DSCAM: variants seen among roughly 807,000 people sequenced by gnomAD.
The protein encoded by DSCAM is DS cell adhesion molecule.
In DSCAM, 47 loss-of-function variants were observed where a neutral mutation model predicts 217.7. The ratio of observed to expected loss-of-function variants is 0.22; its 90% CI spans 0.17 to 0.28. The LOEUF (loss-of-function observed/expected upper bound fraction) is 0.28. Among genes scored for constraint, DSCAM ranks in the 10% least tolerant of loss-of-function variants. The pLI, the probability that DSCAM is intolerant of heterozygous loss-of-function variation, is 1.00. For missense variants in DSCAM, 2,080 were observed against 2,618.3 expected, an observed-to-expected ratio of 0.79 and a Z score of 4.49; for synonymous variants, 1,056 against 1,015.3, an observed-to-expected ratio of 1.04 and a Z score of -0.76.
intron 3 of DSCAM, among the ~76,000 whole-genome samples, chr21:40,460,071 G>A (rs547629519): frequency 1.6e-4 from 24 of 152,236 alleles, no homozygotes; most frequent in Non-Finnish European, 2.8e-4. Context: ...AGTGGGAGCT[G>A]AACAATGAGA....
At chr21:40,317,493 G>C (rs1383180842) in intron 8 of DSCAM, among the ~76,000 whole-genome samples, 1 of 152,040 alleles carries the variant, frequency 6.6e-6, no homozygotes, top group Non-Finnish European at 1.5e-5. Flanking sequence ...CCCACAACTA[G>C]TGGGATAAAT....
intron 8 of DSCAM, 69 bp from the exon 9 acceptor site, chr21:40,312,428 T>C: frequency 1.3e-6 from 2 of 1,543,962 alleles, no homozygotes; most frequent in Non-Finnish European, 1.8e-6. Context: ...TAACCCTGTA[T>C]ACGGCACTGA....
intron 11 of DSCAM, among the ~76,000 whole-genome samples, chr21:40,247,167 C>A (rs915707221): frequency 6.6e-6 from 1 of 152,178 alleles, no homozygotes. Context: ...CATGGGAATT[C>A]TGGGAGATAC....
At chr21:40,321,305 A>C (rs1273152954) in intron 8 of DSCAM, among the ~76,000 whole-genome samples, 1 of 152,204 alleles carries the variant, frequency 6.6e-6, no homozygotes, top group Non-Finnish European at 1.5e-5. Flanking sequence ...GTAGTATGTC[A>C]ATATCTTCAT....
intron 3 of DSCAM, among the ~76,000 whole-genome samples, chr21:40,686,261 A>C (rs2090476004): frequency 7.0e-6 from 1 of 142,222 alleles, no homozygotes; most frequent in South Asian, 2.3e-4. Context: ...CACACACTCC[A>C]CACACACACC....
At chr21:40,384,248 T>C (rs2075058280) in intron 3 of DSCAM, 1 of 152,258 alleles carries the variant, frequency 6.6e-6, no homozygotes. Context: ...AGAGGTGAAA[T>C]CGGGATGGTT....
intron 21 of DSCAM, among the ~76,000 whole-genome samples, chr21:40,091,758 C>T (rs2089612354): frequency 6.6e-6 from 1 of 152,086 alleles, no homozygotes; most frequent in Admixed American, 6.6e-5. Context: ...GAGCATAGGG[C>T]ATGTATTACA....
intron 3 of DSCAM, among the ~76,000 whole-genome samples, chr21:40,628,488 T>C (rs2089634171): frequency 6.6e-6 from 1 of 152,202 alleles, no homozygotes; most frequent in South Asian, 2.1e-4. Context: ...AATAAATCCG[T>C]ATTGGAACAC....
chr21:40,332,917 A>G (rs2074391990), intron 8 of DSCAM, among the ~76,000 whole-genome samples: 1 of 152,242 alleles, frequency 6.6e-6, no homozygotes. Context: ...ATCTAAACAC[A>G]TATGCACACA....
chr21:40,570,727 T>C (rs933575867), intron 3 of DSCAM, among the ~76,000 whole-genome samples: 8 of 152,174 alleles, frequency 5.3e-5, no homozygotes, highest in Non-Finnish European at 1.0e-4. Flanking sequence ...GACGTAACTG[T>C]ATGATACTAG....
chr21:40,513,964 T>G (rs1342636790), intron 3 of DSCAM, among the ~76,000 whole-genome samples: 1 of 152,118 alleles, frequency 6.6e-6, no homozygotes, highest in African/African-American at 2.4e-5. Context: ...TTCATTAATT[T>G]TCAAGGCTTT....
rs1194863566 is a variant in DSCAM at position 40,637,484 on chromosome 21, T to A, written c.508+55326A>T. Among the ~76,000 whole-genome samples, 2 of 33,184 alleles carry A rather than the reference T, an allele frequency of 6.0e-5. 1 individual carries two copies. Among genetic ancestry groups the A allele is most frequent in the Non-Finnish European group, 1.1e-4 (2 of 18,788 alleles). The allele number at this position is 33,184 out of a possible 152,430, so 21.8% of individuals were successfully genotyped here. On this transcript the variant is annotated intron_variant, in intron 3 of 32. Coordinates refer to ENST00000400454, the MANE Select transcript of DSCAM (RefSeq NM_001389.5). ...AAATATATATAAATATATATAAATA[T>A]ATAAAAATATATAAATATATATAAA...
intron 6 of DSCAM, 64 bp downstream of exon 6, chr21:40,347,606 T>G (rs1490168576): frequency 2.9e-5 from 47 of 1,600,532 alleles, no homozygotes; most frequent in Non-Finnish European, 4.0e-5. Flanking sequence ...CCTGTCTTCT[T>G]CTTTTCTGAG....
intron 3 of DSCAM, among the ~76,000 whole-genome samples, chr21:40,473,602 A>G (rs2075907964): frequency 6.6e-6 from 1 of 152,226 alleles, no homozygotes; most frequent in African/African-American, 2.4e-5. Flanking sequence ...ATGTGCATAT[A>G]CAACTATTGT....
At chr21:40,680,555 T>A (rs986709363) in intron 3 of DSCAM, among the ~76,000 whole-genome samples, 13 of 117,562 alleles carry the variant, frequency 1.1e-4, no homozygotes, top group Admixed American at 6.0e-4. Flanking sequence ...GATCTGTGTA[T>A]TTTTGCTTAT....
At chr21:40,834,300 G>A (rs566207461) in intron 1 of DSCAM, among the ~76,000 whole-genome samples, 3 of 151,506 alleles carry the variant, frequency 2.0e-5, no homozygotes, top group Admixed American at 6.6e-5. Context: ...CCAGCTACTC[G>A]CCAGGCTGAG....
At chr21:40,670,144 T>C (rs2090254941) in intron 3 of DSCAM, among the ~76,000 whole-genome samples, 1 of 152,198 alleles carries the variant, frequency 6.6e-6, no homozygotes, top group Admixed American at 6.5e-5. Context: ...AGAGAAGAGG[T>C]GCAATACGTT....
intron 3 of DSCAM, among the ~76,000 whole-genome samples, chr21:40,649,374 C>A (rs62223650): frequency 0.044 from 6,640 of 152,280 alleles, 245 homozygotes; most frequent in Non-Finnish European, 0.076. Flanking sequence ...GACAGCCCCA[C>A]TCCCAAGACC....
At chr21:40,658,727 G>A (rs1487707597) in intron 3 of DSCAM, among the ~76,000 whole-genome samples, 2 of 151,926 alleles carry the variant, frequency 1.3e-5, no homozygotes, top group Non-Finnish European at 2.9e-5. Context: ...GTGGGGGTAG[G>A]AAGAAAAATA....
Sources: allele counts gnomAD v4.1 joint callset (sites outside exome capture counted in the v4.1 genomes callset), GRCh38; gene constraint gnomAD v4.1.1; transcripts MANE v1.5; gene names NCBI Gene and HGNC (gene_info 2026-07-23, HGNC 2026-07-21).